MTREX: variants seen among roughly 807,000 people sequenced by gnomAD.
The protein encoded by MTREX is exosome RNA helicase MTR4.
A neutral mutation model predicts 135.4 loss-of-function variants in MTREX; 76 were observed. That is an observed-to-expected ratio of 0.56 (90% confidence interval 0.47 to 0.68). The LOEUF (loss-of-function observed/expected upper bound fraction) is 0.68. MTREX is among the 30% of genes least tolerant of loss of function. The pLI is 0.00. For synonymous variants in MTREX, 404 were observed against 401.6 expected, an observed-to-expected ratio of 1.01 and a Z score of -0.07; for missense variants, 920 against 1,262.1, an observed-to-expected ratio of 0.73 and a Z score of 4.11.
At chr5:55,363,785 T>A (rs1360945930) in intron 15 of MTREX, among the ~76,000 whole-genome samples, 1 of 152,230 alleles carries the variant, frequency 6.6e-6, no homozygotes, top group Admixed American at 6.5e-5. Context: ...CCTGCACCTC[T>A]CTAAGCCTCT....
chr5:55,344,268 G>A (rs1474154662), intron 8 of MTREX, among the ~76,000 whole-genome samples: 1 of 152,154 alleles, frequency 6.6e-6, no homozygotes, highest in Non-Finnish European at 1.5e-5. Context: ...CTAGGTAATG[G>A]GTAGTTGATG....
intron 1 of MTREX, among the ~76,000 whole-genome samples, chr5:55,321,669 C>T (rs181707773): frequency 1.0e-4 from 15 of 143,514 alleles, no homozygotes; most frequent in African/African-American, 3.4e-4. Flanking sequence ...AGTGCAGTGG[C>T]GTGATCTCAG....
At chr5:55,369,025 GA>G (rs1463053572) in intron 16 of MTREX, among the ~76,000 whole-genome samples, 1 of 151,894 alleles carries the variant, frequency 6.6e-6, no homozygotes, top group Non-Finnish European at 1.5e-5. Context: ...TTAGCAAAGA[GA>G]TAGAAAAGTA....
chr5:55,345,781 C>G (rs2112063453), intron 10 of MTREX, among the ~76,000 whole-genome samples: 1 of 151,658 alleles, frequency 6.6e-6, no homozygotes, highest in South Asian at 2.1e-4. Context: ...GATTCTCCTG[C>G]CTCAGCCTCC....
intron 14 of MTREX, among the ~76,000 whole-genome samples, chr5:55,355,201 G>A (rs1452880653): frequency 6.6e-6 from 1 of 152,116 alleles, no homozygotes; most frequent in Non-Finnish European, 1.5e-5. Flanking sequence ...GTGTATGATG[G>A]ATGTGCAGTG....
At chr5:55,387,814 C>T (rs150433009) in intron 18 of MTREX, among the ~76,000 whole-genome samples, 160 bp from the exon 19 acceptor site, 118 of 152,082 alleles carry the variant, frequency 7.8e-4, no homozygotes, top group Middle Eastern at 3.4e-3. Context: ...CATGTTGAAT[C>T]CAGAGAGACA....
At chr5:55,396,635 A>T (rs111970027) in intron 19 of MTREX, among the ~76,000 whole-genome samples, 13 of 152,352 alleles carry the variant, frequency 8.5e-5, no homozygotes, top group African/African-American at 3.1e-4. Context: ...TAGAAAATCT[A>T]GAAAGGTTAG....
intron 19 of MTREX, among the ~76,000 whole-genome samples, chr5:55,392,088 A>G (rs1459133696): frequency 6.6e-6 from 1 of 152,034 alleles, no homozygotes; most frequent in Non-Finnish European, 1.5e-5. Flanking sequence ...GCACCCCCAG[A>G]GTTTATTCTT....
intron 26 of MTREX, 84 bp from the exon 27 acceptor site, chr5:55,424,636 G>T: frequency 1.1e-6 from 1 of 900,208 alleles, no homozygotes; most frequent in Non-Finnish European, 1.9e-6. Flanking sequence ...ATCAGGGTTG[G>T]TATACTGGCT....
Position 55,322,451 on chromosome 5 carries a change from A to G in MTREX, c.259A>G (p.Thr87Ala), listed in dbSNP as rs1352843865. 1 of 1,587,806 alleles carries G rather than the reference A, an allele frequency of 6.3e-7. No individual in the cohort carries two copies. Among genetic ancestry groups the G allele is most frequent in the African/African-American group, 1.4e-5 (1 of 73,428 alleles). Residue 87 changes from threonine to alanine, a missense_variant, in exon 2 of 27, where the codon ACT (threonine) becomes GCT (alanine). Transcript: ENST00000230640. Reference protein sequence around the residue: ...GKKPRIEESITEDLSLADLMP... With the variant: ...GKKPRIEESIAEDLSLADLMP... ...GAAGCCCAGGATAGAAGAGTCAATAACTGAAGACTTAAGGTAATATTTCCA... is the reference window on the plus strand; with the variant it reads ...GAAGCCCAGGATAGAAGAGTCAATAGCTGAAGACTTAAGGTAATATTTCCA...
At chr5:55,336,610 G>A (rs1456698843) in intron 5 of MTREX, among the ~76,000 whole-genome samples, 1 of 152,156 alleles carries the variant, frequency 6.6e-6, no homozygotes, top group Non-Finnish European at 1.5e-5. Context: ...GTATGTTACT[G>A]ATTTCAGTTT....
At chr5:55,410,724 C>G in intron 23 of MTREX, 95 bp downstream of exon 23, 9 of 607,926 alleles carry the variant, frequency 1.5e-5, no homozygotes, top group Non-Finnish European at 2.4e-5. Context: ...CTAATATTTA[C>G]ATATTATAAG....
At chr5:55,337,792 T>G (rs959874056) in intron 5 of MTREX, among the ~76,000 whole-genome samples, 1 of 151,328 alleles carries the variant, frequency 6.6e-6, no homozygotes, top group South Asian at 2.1e-4. Flanking sequence ...TTTCTCATGT[T>G]TTTTTTTTGA....
intron 4 of MTREX, 102 bp from the exon 5 acceptor site, chr5:55,328,597 T>A: frequency 1.4e-6 from 1 of 710,102 alleles, no homozygotes; most frequent in Admixed American, 2.3e-5. Flanking sequence ...AAAGGAATAC[T>A]CCCAGAATGC....
At chr5:55,358,321 G>A (rs554156382) in intron 14 of MTREX, among the ~76,000 whole-genome samples, 8 of 152,156 alleles carry the variant, frequency 5.3e-5, no homozygotes, top group African/African-American at 1.2e-4. Flanking sequence ...ATAAATTTTC[G>A]ATCCAAAATG....
intron 1 of MTREX, 65 bp from the exon 2 acceptor site, chr5:55,322,262 T>C: frequency 7.1e-7 from 1 of 1,406,006 alleles, no homozygotes; most frequent in Non-Finnish European, 9.6e-7. Flanking sequence ...AGCAGTATTT[T>C]ATGATGTTGC....
chr5:55,412,755 G>T (rs183054414), intron 23 of MTREX, among the ~76,000 whole-genome samples: 14 of 152,304 alleles, frequency 9.2e-5, no homozygotes, highest in Admixed American at 8.5e-4. Flanking sequence ...TCCACCTATA[G>T]TGAATAGCAG....
chr5:55,396,345 A>T (rs1750644953), intron 19 of MTREX, among the ~76,000 whole-genome samples: 1 of 152,186 alleles, frequency 6.6e-6, no homozygotes, highest in South Asian at 2.1e-4. Flanking sequence ...CTGAATAGGG[A>T]TTGTATATGA....
At chr5:55,339,088 G>T (rs940059173) in intron 5 of MTREX, among the ~76,000 whole-genome samples, 2 of 151,976 alleles carry the variant, frequency 1.3e-5, no homozygotes, top group African/African-American at 4.8e-5. Context: ...CACTGCGCCC[G>T]GCCTAATCTG....
Sources: allele counts gnomAD v4.1 joint callset (sites outside exome capture counted in the v4.1 genomes callset), GRCh38; gene constraint gnomAD v4.1.1; transcripts MANE v1.5; gene names NCBI Gene and HGNC (gene_info 2026-07-23, HGNC 2026-07-21).